Variants in SBNO2 observed in about 807,000 individuals in gnomAD.
SBNO2 encodes strawberry notch homolog 2.
A neutral mutation model predicts 146.3 loss-of-function variants in SBNO2; 89 were observed. The ratio of observed to expected loss-of-function variants is 0.61; its 90% CI spans 0.51 to 0.73. The LOEUF (loss-of-function observed/expected upper bound fraction) is 0.73, where lower values mean the gene tolerates loss of function less well. Ranked by LOEUF, SBNO2 falls within the 30% of genes least tolerant of loss-of-function variation. SBNO2 has a pLI of 0.00. For synonymous variants in SBNO2, 1,147 were observed against 892.6 expected (o/e 1.29, Z -5.08); for missense variants, 2,092 against 2,003.7 (o/e 1.04, Z -0.84).
Position 1,110,738 on chromosome 19 carries a change from T to G in SBNO2, c.3028+7A>C, listed in dbSNP as rs753757759. On this transcript the variant is annotated splice_region_variant and intron_variant, in intron 26 of 31. Coordinates refer to ENST00000361757, the MANE Select transcript of SBNO2 (RefSeq NM_014963.3). The surrounding 1 kb of genome is among the most constrained non-coding windows in gnomAD (Gnocchi z 4.9). ...CACCCACACCACACCCCGGCACCTG[T>G]GCTCACCCAGGATGCCCATGTCGTA... 6.2e-7 allele frequency: 1 copy of G among 1,612,698 alleles called. No homozygotes were observed. The highest frequency in any genetic ancestry group is 8.5e-7 in the Non-Finnish European group (1 of 1,179,430).
intron 1 of SBNO2, among the ~76,000 whole-genome samples, chr19:1,163,563 A>C (rs780889563): frequency 3.3e-5 from 5 of 152,276 alleles, no homozygotes; most frequent in Non-Finnish European, 7.4e-5. Context: ...CCCTGGGGTG[A>C]GGCGGCACGA....
Position 1,112,174 on chromosome 19 carries a change from C to T in SBNO2, c.2628+15G>A. 1 of 1,582,612 alleles carries T rather than the reference C, an allele frequency of 6.3e-7. No homozygotes were observed. The highest frequency in any genetic ancestry group is 8.6e-7 in the Non-Finnish European group (1 of 1,164,118). ...GGCCTGTCCCTGGTTCTCAGCCCCA[C>T]CCCCACCTGCTCACCAGACTCTCCA... is the stretch of plus-strand genomic sequence containing the variant. On this transcript the variant is annotated intron_variant, in intron 22 of 31. Coordinates refer to ENST00000361757, the MANE Select transcript of SBNO2 (RefSeq NM_014963.3). This position sits in a 1 kb window ranked among gnomAD's most constrained non-coding sequence, Gnocchi z 5.9.
chr19:1,139,696 G>A (rs1250245383), intron 4 of SBNO2, among the ~76,000 whole-genome samples: 1 of 152,114 alleles, frequency 6.6e-6, no homozygotes, highest in East Asian at 1.9e-4. Flanking sequence ...TCGGGAGGCT[G>A]AGGCAGGAGA....
chr19:1,120,420 G>A (rs1268451652), intron 11 of SBNO2, among the ~76,000 whole-genome samples: 1 of 152,228 alleles, frequency 6.6e-6, no homozygotes, highest in Non-Finnish European at 1.5e-5. Flanking sequence ...ACGCTGGAGT[G>A]CAGTGATACA....
At chr19:1,118,202 G>A (rs1402881009) in intron 14 of SBNO2, among the ~76,000 whole-genome samples, 1 of 152,196 alleles carries the variant, frequency 6.6e-6, no homozygotes, top group Admixed American at 6.5e-5. Flanking sequence ...GGCCGGGCTG[G>A]TGGCACATGC....
At chr19:1,160,038 G>A (rs867045111) in intron 1 of SBNO2, among the ~76,000 whole-genome samples, 2 of 152,076 alleles carry the variant, frequency 1.3e-5, no homozygotes, top group Non-Finnish European at 2.9e-5. Context: ...CGCCTGCCCC[G>A]CCACGCGGCC....
intron 6 of SBNO2, 112 bp from the exon 7 acceptor site, chr19:1,123,751 G>A (rs2079933075): frequency 1.7e-6 from 2 of 1,164,202 alleles, no homozygotes; most frequent in Admixed American, 4.5e-5. Flanking sequence ...TGACCCAGGG[G>A]TGGGAGACGG....
Position 1,109,914 on chromosome 19 carries a change from G to C in SBNO2, c.3029-137C>G, listed in dbSNP as rs995433002. The C allele has an allele frequency of 3.0e-6, 2 of 656,140 alleles. No homozygotes were observed. The highest frequency in any genetic ancestry group is 3.0e-5 in the Admixed American group (1 of 33,830). 40.6% of individuals were successfully genotyped at this position (656,140 alleles called of 1,614,324 possible). On this transcript the variant is annotated intron_variant, in intron 26 of 31. Transcript: ENST00000361757. The surrounding 1 kb of genome is among the most constrained non-coding windows in gnomAD (Gnocchi z 4.2). ...GAGAGGGTGTCCTGGATCCTGGCCT[G>C]ACCTGGCCCAGCGTGGGGATGGTGC... is the stretch of plus-strand genomic sequence containing the variant.
chr19:1,172,765 A>C (rs1358554998), intron 1 of SBNO2, among the ~76,000 whole-genome samples: 114 of 66,542 alleles, frequency 1.7e-3, no homozygotes, highest in Middle Eastern at 0.012. Context: ...TCTGTAAAAC[A>C]CTCACTGCAA....
At chr19:1,113,025 T>G in intron 19 of SBNO2, 76 bp from the exon 20 acceptor site, 1 of 1,480,932 alleles carries the variant, frequency 6.8e-7, no homozygotes, top group Non-Finnish European at 9.0e-7. Flanking sequence ...TGTCTCAGCT[T>G]CCCTATGTCC....
At chr19:1,121,902 AG>A (rs1708675431) in intron 11 of SBNO2, among the ~76,000 whole-genome samples, 1 of 152,100 alleles carries the variant, frequency 6.6e-6, no homozygotes, top group South Asian at 2.1e-4. Context: ...GGACCAGAAA[AG>A]TCTTCTATCC....
rs1292433371 is a variant in SBNO2 at position 1,173,913 on chromosome 19, G to A, written c.-127+259C>T. The A allele has an allele frequency of 6.8e-6, 1 of 147,906 alleles. No homozygotes were observed. Among genetic ancestry groups the A allele is most frequent in the African/African-American group, 2.5e-5 (1 of 40,090 alleles). 9.2% of individuals were successfully genotyped at this position (147,906 alleles called of 1,614,324 possible). A position where few individuals can be genotyped will look rare whatever the true frequency, so the allele number is the denominator to read the frequency against. On this transcript the variant is annotated intron_variant, in intron 1 of 31. Coordinates refer to ENST00000361757, the MANE Select transcript of SBNO2 (RefSeq NM_014963.3). The surrounding 1 kb of genome is among the most constrained non-coding windows in gnomAD (Gnocchi z 4.7). The stretch of plus-strand genomic sequence containing the variant: ...GGGTTAAGGTTCACGGCAGGGGGTC[G>A]CCGGGGGGCGGGGGGGCAGGTCAAG...
intron 1 of SBNO2, 21 bp from the exon 2 acceptor site, chr19:1,154,423 G>A (rs1262454415): frequency 1.2e-5 from 5 of 402,370 alleles, no homozygotes; most frequent in African/African-American, 6.2e-5. Flanking sequence ...AGACGGGGAC[G>A]TCCTGAGAGT....
At position 1,154,278 on chromosome 19, in the gene SBNO2, G is replaced by C. The variant is rs977767747; in HGVS notation, c.-2C>G. The stretch of plus-strand genomic sequence containing the variant: ...CATGGCGGGCCCCACTGCAAGCATC[G>C]GGCGGCAGGCGGGGTGGGGTCCTCG... On this transcript the variant is annotated 5_prime_UTR_variant, in exon 2 of 32. Coordinates refer to ENST00000361757, the MANE Select transcript of SBNO2 (RefSeq NM_014963.3). The C allele has an allele frequency of 7.9e-7, 1 of 1,262,588 alleles. No homozygotes were observed. Among genetic ancestry groups the C allele is most frequent in the African/African-American group, 1.5e-5 (1 of 65,340 alleles). 78.2% of individuals were successfully genotyped at this position (1,262,588 alleles called of 1,614,324 possible).
chr19:1,164,399 G>GAAC (rs2080381459), intron 1 of SBNO2, among the ~76,000 whole-genome samples: 1 of 99,402 alleles, frequency 1.0e-5, no homozygotes, highest in African/African-American at 3.9e-5. Flanking sequence ...GGAGGAGGAG[G>GAAC]AGGAGGAGGA....
chr19:1,109,048 C>T lies in SBNO2; in HGVS notation c.3426-79G>A, dbSNP rs2145181685. 6 of 1,507,086 alleles carry T rather than the reference C, an allele frequency of 4.0e-6. No homozygotes were observed. In the East Asian group the frequency reaches 7.4e-5, roughly 19 times the overall value. The allele number at this position is 1,507,086 out of a possible 1,614,324, so 93.4% of individuals were successfully genotyped here. On this transcript the variant is annotated intron_variant, in intron 30 of 31. Transcript: ENST00000361757. This position sits in a 1 kb window ranked among gnomAD's most constrained non-coding sequence, Gnocchi z 4.2. ...TCCCCAGGTGCCCTGAGATCTCCCG[C>T]CTCCTCTCAGGGTCTCGGGAGCCCC...
intron 11 of SBNO2, among the ~76,000 whole-genome samples, chr19:1,121,365 G>A (rs1270366282): frequency 6.6e-6 from 1 of 152,120 alleles, no homozygotes; most frequent in Non-Finnish European, 1.5e-5. Context: ...TGTTCAGCCG[G>A]GTGCGAAGAC....
At chr19:1,115,638 CGACA>C (rs1360464384) in intron 17 of SBNO2, 1 of 302,034 alleles carries the variant, frequency 3.3e-6, no homozygotes, top group Non-Finnish European at 6.3e-6. Flanking sequence ...CACCAGACTT[CGACA>C]GGCAGCTCTG....
chr19:1,155,318 G>C (rs1045654218), intron 1 of SBNO2, among the ~76,000 whole-genome samples: 1 of 152,240 alleles, frequency 6.6e-6, no homozygotes, highest in African/African-American at 2.4e-5. Flanking sequence ...TCCAGAGACA[G>C]TGGCCGGGCA....
Sources: gnomAD v4.1 joint callset for allele counts (sites outside exome capture counted in the v4.1 genomes callset) on GRCh38, gnomAD v4.1.1 for gene constraint, Gnocchi (gnomAD v3.1) non-coding constraint, MANE v1.5 for transcripts, NCBI Gene and HGNC (gene_info 2026-07-23, HGNC 2026-07-21) for gene names.